B3GLCT: variants seen among roughly 807,000 people sequenced by gnomAD.
B3GLCT encodes beta 3-glucosyltransferase.
A neutral mutation model predicts 63.4 loss-of-function variants in B3GLCT; 65 were observed. The observed-to-expected ratio is 1.03, with a 90% confidence interval of 0.84 to 1.26. B3GLCT has a LOEUF of 1.26. B3GLCT is among the 50% of genes most tolerant of loss of function. The pLI is 0.00. For missense variants in B3GLCT, 577 were observed against 604.8 expected, an observed-to-expected ratio of 0.95 and a Z score of 0.48; for synonymous variants, 233 against 219.2, an observed-to-expected ratio of 1.06 and a Z score of -0.55.
At chr13:31,211,294 T>G (rs1869245654) in intron 1 of B3GLCT, among the ~76,000 whole-genome samples, 1 of 152,084 alleles carries the variant, frequency 6.6e-6, no homozygotes, top group African/African-American at 2.4e-5. Flanking sequence ...ACTCGGAGGC[T>G]AAGGTAGGAG....
chr13:31,201,232 A>G (rs1593239731), intron 1 of B3GLCT, among the ~76,000 whole-genome samples: 1 of 152,102 alleles, frequency 6.6e-6, no homozygotes, highest in East Asian at 1.9e-4. Flanking sequence ...TGCTCTTGTT[A>G]GCCCACCGGA....
intron 3 of B3GLCT, 150 bp downstream of exon 3, chr13:31,223,141 C>T (rs1869909428): frequency 1.6e-6 from 1 of 633,004 alleles, no homozygotes; most frequent in Non-Finnish European, 2.8e-6. Flanking sequence ...AACGTTTGCT[C>T]TCCTGAAGAT....
intron 3 of B3GLCT, among the ~76,000 whole-genome samples, chr13:31,224,536 A>G (rs1007930223): frequency 7.0e-4 from 106 of 152,086 alleles, no homozygotes; most frequent in Non-Finnish European, 1.2e-3. Flanking sequence ...GCTACTAAAG[A>G]TCCTGGGCAG....
chr13:31,323,846 G>A lies in B3GLCT; in HGVS notation c.1280G>A (p.Cys427Tyr). 2 of 1,614,218 alleles carry A rather than the reference G, an allele frequency of 1.2e-6. No individual in the cohort carries two copies. Among genetic ancestry groups the A allele is most frequent in the Non-Finnish European group, 1.7e-6 (2 of 1,180,024 alleles). Reference sequence around the variant, plus strand: ...CCCGATGATATGGTCCTGGGAATGTGCTTTAGTGGCTTGGGAATCCCTGTG... The same window carrying A: ...CCCGATGATATGGTCCTGGGAATGTACTTTAGTGGCTTGGGAATCCCTGTG... ...DAPDDMVLGM[C>Y]FSGLGIPVTH... The change falls in exon 14 of 15, where the codon TGC (cysteine) becomes TAC (tyrosine). Residue 427 changes from cysteine to tyrosine, a missense_variant. Coordinates refer to ENST00000343307, the MANE Select transcript of B3GLCT (RefSeq NM_194318.4).
rs371236148 is a variant in B3GLCT at position 31,329,498 on chromosome 13, C to T, written c.1330-3C>T. 3.2e-5 allele frequency: 51 copies of T among 1,614,044 alleles called. No homozygotes were observed. The highest frequency in any genetic ancestry group is 4.2e-5 in the Non-Finnish European group (49 of 1,180,016). Reference sequence around the variant, plus strand: ...GAAGCCTAACTCTCTATTTTTCCTGCAGGCTCGGCCGGTGGATTACCCTAA... The same window carrying T: ...GAAGCCTAACTCTCTATTTTTCCTGTAGGCTCGGCCGGTGGATTACCCTAA... On this transcript the variant is annotated splice_region_variant and splice_polypyrimidine_tract_variant and intron_variant, in intron 14 of 14. Coordinates refer to ENST00000343307, the MANE Select transcript of B3GLCT (RefSeq NM_194318.4).
chr13:31,208,129 T>C (rs1204569258), intron 1 of B3GLCT, among the ~76,000 whole-genome samples: 1 of 152,164 alleles, frequency 6.6e-6, no homozygotes, highest in Non-Finnish European at 1.5e-5. Flanking sequence ...TACTCTGTAC[T>C]TTGACCTTAT....
rs2137958221 is a variant in B3GLCT at position 31,329,725 on chromosome 13, C to T, written c.*57C>T. 2 of 1,583,200 alleles carry T rather than the reference C, an allele frequency of 1.3e-6. No individual in the cohort carries two copies. The highest frequency in any genetic ancestry group is 2.2e-5 in the East Asian group (1 of 44,660). On this transcript the variant is annotated 3_prime_UTR_variant, in exon 15 of 15. Coordinates refer to ENST00000343307, the MANE Select transcript of B3GLCT (RefSeq NM_194318.4). Reference sequence around the variant, plus strand: ...GGGAATGAACTGGAGACTGTGGCCTCATCCCACTGTGCTGTGCTCACAACA... The same window carrying T: ...GGGAATGAACTGGAGACTGTGGCCTTATCCCACTGTGCTGTGCTCACAACA...
At chr13:31,253,244 C>A (rs1871526222) in intron 6 of B3GLCT, among the ~76,000 whole-genome samples, 1 of 152,044 alleles carries the variant, frequency 6.6e-6, no homozygotes, top group African/African-American at 2.4e-5. Context: ...GCACTAAATG[C>A]CCACAAGAGA....
intron 11 of B3GLCT, 50 bp downstream of exon 11, chr13:31,284,811 A>T (rs1311060275): frequency 9.8e-7 from 1 of 1,025,300 alleles, no homozygotes; most frequent in Admixed American, 1.7e-5. Flanking sequence ...CCATTCTGTA[A>T]ATACAGTAAA....
intron 1 of B3GLCT, among the ~76,000 whole-genome samples, chr13:31,202,345 C>T (rs192911221): frequency 7.9e-5 from 12 of 152,290 alleles, no homozygotes; most frequent in Admixed American, 3.9e-4. Context: ...TTGAGTCAGG[C>T]CTCCAGGTTA....
intron 6 of B3GLCT, among the ~76,000 whole-genome samples, chr13:31,258,049 G>C (rs1219287535): frequency 1.3e-5 from 2 of 152,160 alleles, no homozygotes; most frequent in Admixed American, 1.3e-4. Context: ...AAGGGAGTAA[G>C]GGATGCATTG....
chr13:31,280,264 T>C (rs1365693051), intron 10 of B3GLCT, among the ~76,000 whole-genome samples: 1 of 152,210 alleles, frequency 6.6e-6, no homozygotes, highest in East Asian at 1.9e-4. Flanking sequence ...AAGACAGGCA[T>C]AAGAAATTAT....
chr13:31,203,356 C>A (rs1248144597), intron 1 of B3GLCT, among the ~76,000 whole-genome samples: 2 of 152,198 alleles, frequency 1.3e-5, no homozygotes, highest in Admixed American at 1.3e-4. Context: ...GTTGGCATGG[C>A]TCCCCAGGTC....
Position 31,264,087 on chromosome 13 carries a change from G to A in B3GLCT, c.596+3005G>A, listed in dbSNP as rs1193480475. Among the ~76,000 whole-genome samples the A allele has an allele frequency of 6.6e-5, 10 of 152,042 alleles. No homozygotes were observed. The South Asian group carries it at 1.7e-3, about 25-fold the overall frequency. The stretch of plus-strand genomic sequence containing the variant: ...CCTCATCTGGGAGAAGGGACGAGGG[G>A]TCTTTTTTATAGGGGTGCAGTCCCA... On this transcript the variant is annotated intron_variant, in intron 7 of 14. Transcript: ENST00000343307.
intron 6 of B3GLCT, 98 bp from the exon 7 acceptor site, chr13:31,260,848 C>T (rs191623452): frequency 9.3e-5 from 110 of 1,177,554 alleles, no homozygotes; most frequent in Non-Finnish European, 1.3e-4. Flanking sequence ...CTTTATCACC[C>T]AAAATATTTA....
At chr13:31,311,909 G>A (rs1029839448) in intron 12 of B3GLCT, among the ~76,000 whole-genome samples, 9 of 152,176 alleles carry the variant, frequency 5.9e-5, no homozygotes, top group Non-Finnish European at 1.3e-4. Context: ...TAATTTTATA[G>A]ATTAAACTTC....
chr13:31,318,019 C>G (rs916457678), intron 13 of B3GLCT, among the ~76,000 whole-genome samples: 1 of 151,404 alleles, frequency 6.6e-6, no homozygotes, highest in Non-Finnish European at 1.5e-5. Context: ...AGAGAATAAG[C>G]CATTAGACTA....
In B3GLCT at chr13:31,215,069, A is replaced by G; in HGVS notation, c.89A>G (p.Glu30Gly). ...TTTCCAGCTTTTGGTTTGGCTTCTGAAGATACAAAGAAAGAGGTCAAGCAG... is the reference window on the plus strand; with the variant it reads ...TTTCCAGCTTTTGGTTTGGCTTCTGGAGATACAAAGAAAGAGGTCAAGCAG... Reference protein sequence around the residue: ...TCSLAFGLASEDTKKEVKQSQ... With the variant: ...TCSLAFGLASGDTKKEVKQSQ... Residue 30 changes from glutamate to glycine, a missense_variant, in exon 2 of 15, where the codon GAA (glutamate) becomes GGA (glycine). Physicochemically the swap from Glu to Gly is moderately conservative, Grantham distance 98. Transcript: ENST00000343307. 6.2e-7 allele frequency: 1 copy of G among 1,610,554 alleles called. No homozygotes were observed. The highest frequency in any genetic ancestry group is 8.5e-7 in the Non-Finnish European group (1 of 1,179,616).
chr13:31,258,738 C>T (rs1430410028), intron 6 of B3GLCT, among the ~76,000 whole-genome samples: 1 of 152,186 alleles, frequency 6.6e-6, no homozygotes, highest in African/African-American at 2.4e-5. Context: ...CTTTAATTTT[C>T]AACAGTGTTA....
Sources: gnomAD v4.1 joint callset for allele counts (sites outside exome capture counted in the v4.1 genomes callset) on GRCh38, gnomAD v4.1.1 for gene constraint, MANE v1.5 for transcripts, NCBI Gene and HGNC (gene_info 2026-07-23, HGNC 2026-07-21) for gene names.